Variants in KCP observed in about 807,000 individuals in gnomAD.
KCP encodes kielin/chordin-like protein.
Under a neutral mutation model 212.7 loss-of-function variants are expected in KCP, and 194 were observed. That is an observed-to-expected ratio of 0.91 (90% CI 0.81 to 1.03). KCP has a LOEUF of 1.03. Ranked by LOEUF, KCP falls within the 50% of genes least tolerant of loss-of-function variation. The pLI is 0.00. For missense variants in KCP, 2,080 were observed against 2,162.5 expected, an observed-to-expected ratio of 0.96 and a Z score of 0.76; for synonymous variants, 833 against 865.3, an observed-to-expected ratio of 0.96 and a Z score of 0.65.
intron 8 of KCP, among the ~76,000 whole-genome samples, chr7:128,900,959 C>T (rs941898576): frequency 2.0e-5 from 3 of 152,204 alleles, no homozygotes; most frequent in African/African-American, 7.2e-5. Context: ...ACCTACTGGG[C>T]TGCATTCCCA....
At position 128,879,758 on chromosome 7, in the gene KCP, C is replaced by G. The variant is rs1193984541; in HGVS notation, c.4004G>C (p.Gly1335Ala). 1.3e-6 allele frequency: 2 copies of G among 1,550,516 alleles called. No homozygotes were observed. The highest frequency in any genetic ancestry group is 8.7e-7 in the Non-Finnish European group (1 of 1,146,984). ...AWTQEVAVLL[G>A]DMAVRLLQDG... ...CTGCAGCAGCCGCACGGCCATGTCT[C>G]CCAGCAGCACCGCCACCTCCTGGGT... Residue 1335 changes from glycine (G) to alanine (A), a missense_variant, in exon 36 of 40, where the codon GGA becomes GCA. Transcript: ENST00000610776.
intron 19 of KCP, 22 bp from the exon 20 acceptor site, chr7:128,891,118 A>G: frequency 6.6e-7 from 1 of 1,506,842 alleles, no homozygotes; most frequent in Non-Finnish European, 8.9e-7. Flanking sequence ...CAGCGCATCA[A>G]AGGGGCCCAG....
At chr7:128,887,576 T>C (rs200832937) in intron 22 of KCP, among the ~76,000 whole-genome samples, 259 of 93,980 alleles carry the variant, frequency 2.8e-3, no homozygotes, top group African/African-American at 4.6e-3. Context: ...ACACAGCCCC[T>C]CCCCCTCCAC....
chr7:128,886,044 T>G (rs1383270000), intron 26 of KCP, among the ~76,000 whole-genome samples: 1 of 151,932 alleles, frequency 6.6e-6, no homozygotes, highest in Admixed American at 6.6e-5. Context: ...TGATGATGAA[T>G]GGGGTGTGGT....
At chr7:128,904,747 A>G (rs1326402726) in intron 5 of KCP, among the ~76,000 whole-genome samples, 1 of 152,240 alleles carries the variant, frequency 6.6e-6, no homozygotes, top group Non-Finnish European at 1.5e-5. Context: ...TAAGAGACCC[A>G]AAGGACTGGG....
intron 26 of KCP, 25 bp from the exon 27 acceptor site, chr7:128,885,295 G>A (rs185725369): frequency 0.011 from 16,262 of 1,522,650 alleles, 124 homozygotes; most frequent in Middle Eastern, 0.013. Context: ...GGGCAGGGAC[G>A]AGCTCGGAGG....
intron 29 of KCP, among the ~76,000 whole-genome samples, chr7:128,883,119 T>TAA (rs201917167): frequency 6.9e-6 from 1 of 144,872 alleles, no homozygotes; most frequent in Non-Finnish European, 1.5e-5. Flanking sequence ...GGATTATCAT[T>TAA]AAAAAAAAAA....
At chr7:128,884,952 CCT>C in intron 27 of KCP, 89 bp from the exon 28 acceptor site, 1 of 1,492,614 alleles carries the variant, frequency 6.7e-7, no homozygotes, top group Non-Finnish European at 9.1e-7. Context: ...CCAGCCTCCC[CCT>C]GATCCCAGGG....
rs1412332803 is a variant in KCP, at chr7:128,877,505, A to T, written c.4597T>A (p.Trp1533Arg). The change falls in exon 39 of 40, where the codon TGG (tryptophan) becomes AGG (arginine). Residue 1533 changes from tryptophan (W) to arginine (R), a missense_variant. Transcript: ENST00000610776. ...HCRQAGVTPT[W>R]RGPTLCVVGC... ...TCACCACACAGCGTGGGGCCTCGCC[A>T]GGTAGGTGTCACTCCTGCCTGGCGA... 1 of 1,551,114 alleles carries T rather than the reference A, an allele frequency of 6.4e-7. No homozygotes were observed. Among genetic ancestry groups the T allele is most frequent in the African/African-American group, 1.4e-5 (1 of 73,032 alleles).
intron 2 of KCP, 81 bp from the exon 3 acceptor site, chr7:128,907,534 G>C: frequency 9.8e-7 from 1 of 1,019,368 alleles, no homozygotes; most frequent in Non-Finnish European, 1.3e-6. Flanking sequence ...GTGAAAATGA[G>C]GCAGGATGAG....
chr7:128,909,584 T>C (rs1795323661), intron 1 of KCP, among the ~76,000 whole-genome samples: 1 of 152,104 alleles, frequency 6.6e-6, no homozygotes, highest in Non-Finnish European at 1.5e-5. Context: ...TGTCCCCTAA[T>C]ACATCCCCCC....
chr7:128,890,862 G>T, intron 20 of KCP, 43 bp downstream of exon 20: 1 of 1,229,960 alleles, frequency 8.1e-7, no homozygotes, highest in South Asian at 3.7e-5. Flanking sequence ...GGGGCGGGGC[G>T]GCAGGACGCG....
chr7:128,902,876 G>C lies in KCP; in HGVS notation c.749-17C>G. 6.5e-7 allele frequency: 1 copy of C among 1,544,194 alleles called. No homozygotes were observed. Among genetic ancestry groups the C allele is most frequent in the Non-Finnish European group, 8.8e-7 (1 of 1,140,600 alleles). ...CTGTGCAGCCTAGGGTTGAGGGGTT[G>C]AGAAGAGGGAGGCCTGGTGGGAGCT... is the stretch of plus-strand genomic sequence containing the variant. On this transcript the variant is annotated splice_polypyrimidine_tract_variant and intron_variant, in intron 7 of 39. Transcript: ENST00000610776.
At chr7:128,906,421 C>T in intron 4 of KCP, 58 bp from the exon 5 acceptor site, 1 of 1,266,362 alleles carries the variant, frequency 7.9e-7, no homozygotes, top group South Asian at 1.3e-5. Context: ...GGCAGGGCCT[C>T]TGGAAGTAAA....
At chr7:128,893,144 G>T in intron 13 of KCP, 94 bp downstream of exon 13, 1 of 1,308,838 alleles carries the variant, frequency 7.6e-7, no homozygotes, top group South Asian at 1.3e-5. Flanking sequence ...AGTGGACTTA[G>T]CAACCCGTAC....
At chr7:128,890,614 G>T in intron 20 of KCP, 101 bp from the exon 21 acceptor site, 1 of 856,618 alleles carries the variant, frequency 1.2e-6, no homozygotes, top group Admixed American at 2.9e-5. Flanking sequence ...TGTCGTGGGG[G>T]CCGTGGGGGC....
At chr7:128,889,334 A>G (rs2128946786) in intron 21 of KCP, among the ~76,000 whole-genome samples, 1 of 152,346 alleles carries the variant, frequency 6.6e-6, no homozygotes, top group Non-Finnish European at 1.5e-5. Context: ...TCAGCAGGCC[A>G]TTGCCAGAGG....
chr7:128,904,218 A>T, intron 5 of KCP, 80 bp from the exon 6 acceptor site: 2 of 1,527,268 alleles, frequency 1.3e-6, no homozygotes, highest in Non-Finnish European at 1.8e-6. Flanking sequence ...GCATGACCCC[A>T]AGTAGGTACT....
chr7:128,904,897 G>A (rs1416270637), intron 5 of KCP, among the ~76,000 whole-genome samples: 2 of 152,220 alleles, frequency 1.3e-5, no homozygotes, highest in Non-Finnish European at 1.5e-5. Context: ...GATGGAAGTA[G>A]TGTCTTGAGG....
Sources: gnomAD v4.1 joint callset for allele counts (sites outside exome capture counted in the v4.1 genomes callset) on GRCh38, gnomAD v4.1.1 for gene constraint, MANE v1.5 for transcripts, NCBI Gene and HGNC (gene_info 2026-07-23, HGNC 2026-07-21) for gene names.